CROCC2: variants seen among roughly 807,000 people sequenced by gnomAD.
The protein encoded by CROCC2 is ciliary rootlet coiled-coil, rootletin family member 2.
CROCC2 carries 163 observed loss-of-function variants against 177.6 expected under a neutral mutation model. The ratio of observed to expected loss-of-function variants is 0.92; its 90% CI spans 0.81 to 1.05. CROCC2 has a LOEUF of 1.05. Among genes scored for constraint, CROCC2 ranks in the 50% least tolerant of loss-of-function variants. The probability of loss-of-function intolerance (pLI) is 0.00; values close to 1 mark genes in which losing one functional copy is unlikely to be tolerated. For synonymous variants in CROCC2, 904 were observed against 787.3 expected, an observed-to-expected ratio of 1.15 and a Z score of -2.48; for missense variants, 1,929 against 1,797.8, an observed-to-expected ratio of 1.07 and a Z score of -1.32.
intron 15 of CROCC2, among the ~76,000 whole-genome samples, chr2:240,948,647 T>C (rs943245791): frequency 2.6e-5 from 4 of 152,164 alleles, no homozygotes; most frequent in African/African-American, 4.8e-5. Context: ...TGTGTGTTGG[T>C]GTGTGCTCCA....
intron 1 of CROCC2, among the ~76,000 whole-genome samples, chr2:240,916,570 T>C (rs2059322705): frequency 7.0e-6 from 1 of 143,398 alleles, no homozygotes; most frequent in Non-Finnish European, 1.5e-5. Flanking sequence ...CCCCTCCGGC[T>C]CCAGCTGGGC....
At chr2:240,914,325 C>T (rs1423003398) in intron 1 of CROCC2, among the ~76,000 whole-genome samples, 1 of 152,238 alleles carries the variant, frequency 6.6e-6, no homozygotes, top group Non-Finnish European at 1.5e-5. Flanking sequence ...AGGCCAGAAG[C>T]CTCCAATGCA....
intron 1 of CROCC2, among the ~76,000 whole-genome samples, chr2:240,910,241 G>A (rs1479150166): frequency 6.6e-6 from 1 of 152,136 alleles, no homozygotes; most frequent in African/African-American, 2.4e-5. Context: ...TGCCTTGAGG[G>A]GTGGGGGTGT....
At chr2:240,961,904 A>G (rs576761680) in intron 20 of CROCC2, among the ~76,000 whole-genome samples, 17 of 144,690 alleles carry the variant, frequency 1.2e-4, no homozygotes, top group Admixed American at 2.8e-4. Flanking sequence ...ACACACACGT[A>G]GTGCATGCAC....
intron 8 of CROCC2, 28 bp downstream of exon 8, chr2:240,932,442 G>A (rs1188195380): frequency 1.4e-6 from 1 of 717,274 alleles, no homozygotes; most frequent in Non-Finnish European, 2.6e-6. Context: ...GGGTGGCTGT[G>A]TGGCAGGGGT....
Position 240,988,727 on chromosome 2 carries a change from G to T in CROCC2, c.4552-12G>T. On this transcript the variant is annotated splice_polypyrimidine_tract_variant and intron_variant, in intron 28 of 31. Transcript: ENST00000690015. ...AGGAGGCCACAGGTTCTGCCTCCTGGGATCTCTGCAGATGGAGCAAGAGAC... is the reference window on the plus strand; with the variant it reads ...AGGAGGCCACAGGTTCTGCCTCCTGTGATCTCTGCAGATGGAGCAAGAGAC... 7.3e-7 allele frequency: 1 copy of T among 1,364,936 alleles called. No homozygotes were observed. Among genetic ancestry groups the T allele is most frequent in the South Asian group, 1.9e-5 (1 of 52,366 alleles). The allele number at this position is 1,364,936 out of a possible 1,614,324, so 84.6% of individuals were successfully genotyped here.
rs547749385 is a variant in CROCC2, at chr2:240,993,309, G to A, written c.*228G>A. On this transcript the variant is annotated 3_prime_UTR_variant, in exon 32 of 32. Coordinates refer to ENST00000690015, the MANE Select transcript of CROCC2 (RefSeq NM_001351305.2). ...AATTTTAATAAATAGTTGAATCAGC[G>A]TAGGAGATGCTATTTTAACTTATTC... The A allele has an allele frequency of 2.1e-5, 11 of 522,560 alleles. 1 individual carries two copies. The highest frequency in any genetic ancestry group is 1.0e-4 in the Admixed American group (3 of 28,964). The allele number at this position is 522,560 out of a possible 1,614,324, so 32.4% of individuals were successfully genotyped here.
chr2:240,952,772 G>A lies in CROCC2; in HGVS notation c.2829+2262G>A, dbSNP rs2059565027. ...TGATAGGGAGCCAGTGGATGTTCTT[G>A]AGCAGGCGTGATATGATAGGAGTTG... is the stretch of plus-strand genomic sequence containing the variant. On this transcript the variant is annotated intron_variant, in intron 18 of 31. Coordinates refer to ENST00000690015, the MANE Select transcript of CROCC2 (RefSeq NM_001351305.2). 2.0e-5 allele frequency among the ~76,000 whole-genome samples: 3 copies of A among 152,222 alleles called. No homozygotes were observed. In the South Asian group the frequency reaches 6.2e-4, roughly 32 times the overall value.
intron 27 of CROCC2, among the ~76,000 whole-genome samples, chr2:240,980,361 C>G: frequency 1.1e-5 from 1 of 91,214 alleles, no homozygotes; most frequent in African/African-American, 4.5e-5. Flanking sequence ...CCTCAGGATC[C>G]CAGGCTCATC....
At chr2:240,948,790 A>G (rs1157748211) in intron 15 of CROCC2, among the ~76,000 whole-genome samples, 189 bp from the exon 16 acceptor site, 2 of 152,242 alleles carry the variant, frequency 1.3e-5, no homozygotes, top group African/African-American at 2.4e-5. Context: ...TGACATGAGA[A>G]TAGAAAATAG....
intron 29 of CROCC2, 71 bp from the exon 30 acceptor site, chr2:240,989,583 C>T: frequency 1.4e-6 from 2 of 1,422,234 alleles, no homozygotes; most frequent in Non-Finnish European, 1.9e-6. Flanking sequence ...CACCCTGTGG[C>T]ACTCCTGCCC....
intron 3 of CROCC2, among the ~76,000 whole-genome samples, chr2:240,921,042 C>T (rs1362440671): frequency 6.6e-6 from 1 of 152,196 alleles, no homozygotes; most frequent in East Asian, 1.9e-4. Flanking sequence ...CAGAGCCAGC[C>T]AGTGATCACC....
intron 5 of CROCC2, chr2:240,929,813 G>A (rs1267024600): frequency 2.0e-6 from 1 of 491,278 alleles, no homozygotes; most frequent in African/African-American, 1.9e-5. Context: ...CTGGTTCTGG[G>A]GTGTTCCAAG....
intron 22 of CROCC2, 37 bp from the exon 23 acceptor site, chr2:240,965,344 G>A (rs899146863): frequency 1.9e-6 from 3 of 1,546,706 alleles, no homozygotes; most frequent in South Asian, 1.2e-5. Flanking sequence ...CCAGCACAGA[G>A]ACCAGTGACC....
chr2:240,909,670 C>A (rs962833538), intron 1 of CROCC2, among the ~76,000 whole-genome samples: 3 of 152,194 alleles, frequency 2.0e-5, no homozygotes, highest in African/African-American at 4.8e-5. Context: ...CTTTGTCTGC[C>A]CCCAAATTCC....
chr2:240,992,552 C>A (rs1335754110), intron 31 of CROCC2, among the ~76,000 whole-genome samples: 10 of 152,254 alleles, frequency 6.6e-5, no homozygotes. Flanking sequence ...TCTGTTACCT[C>A]TGCCTGATTG....
intron 27 of CROCC2, among the ~76,000 whole-genome samples, chr2:240,969,000 G>C (rs568310108): frequency 1.3e-5 from 2 of 152,340 alleles, no homozygotes; most frequent in Non-Finnish European, 2.9e-5. Context: ...CCGCTCCAGA[G>C]AGCTCCCTTG....
intron 14 of CROCC2, among the ~76,000 whole-genome samples, chr2:240,935,976 AT>A (rs781286456): frequency 6.6e-6 from 1 of 151,906 alleles, no homozygotes; most frequent in Non-Finnish European, 1.5e-5. Context: ...TTTATTCCCA[AT>A]TTCCCCATCT....
At chr2:240,916,581 C>G (rs1451843155) in intron 1 of CROCC2, among the ~76,000 whole-genome samples, 5 of 151,344 alleles carry the variant, frequency 3.3e-5, no homozygotes, top group Non-Finnish European at 5.9e-5. Flanking sequence ...CCAGCTGGGC[C>G]GCGGCCTATT....
Sources: gnomAD v4.1 joint callset for allele counts (sites outside exome capture counted in the v4.1 genomes callset) on GRCh38, gnomAD v4.1.1 for gene constraint, MANE v1.5 for transcripts, NCBI Gene and HGNC (gene_info 2026-07-23, HGNC 2026-07-21) for gene names.